The following COL21A1 variants were observed in gnomAD, a reference collection of about 807,000 sequenced individuals.
COL21A1 encodes collagen type XXI alpha 1 chain.
In COL21A1, 149 loss-of-function variants were observed where a neutral mutation model predicts 137.9. That is an observed-to-expected ratio of 1.08 (90% CI 0.95 to 1.24). The LOEUF (loss-of-function observed/expected upper bound fraction) is 1.24. Ranked by LOEUF, COL21A1 falls within the 50% of genes most tolerant of loss-of-function variation. The pLI, the probability that COL21A1 is intolerant of heterozygous loss-of-function variation, is 0.00. For synonymous variants in COL21A1, 456 were observed against 391.5 expected, an observed-to-expected ratio of 1.16 and a Z score of -1.95; for missense variants, 1,167 against 1,158.4, an observed-to-expected ratio of 1.01 and a Z score of -0.11.
At chr6:56,260,584 GA>G (rs1157513240) in intron 1 of COL21A1, among the ~76,000 whole-genome samples, 1 of 28,162 alleles carries the variant, frequency 3.6e-5, no homozygotes. Flanking sequence ...AAAAAAAAAA[GA>G]AAGAAGAAGA....
intron 1 of COL21A1, among the ~76,000 whole-genome samples, chr6:56,232,513 G>A (rs1781630623): frequency 1.3e-5 from 2 of 151,792 alleles, no homozygotes; most frequent in Non-Finnish European, 2.9e-5. Flanking sequence ...TTCATGAGGT[G>A]GGAAACTCTC....
chr6:56,185,122 AG>A (rs1274907133), intron 1 of COL21A1, among the ~76,000 whole-genome samples: 7 of 152,066 alleles, frequency 4.6e-5, no homozygotes, highest in Non-Finnish European at 8.8e-5. Context: ...ATTAAAAAAA[AG>A]AAACCAATAT....
At chr6:56,069,216 T>TA (rs1214247488) in intron 21 of COL21A1, 99 bp from the exon 22 acceptor site, 1 of 639,934 alleles carries the variant, frequency 1.6e-6, no homozygotes, top group Non-Finnish European at 2.6e-6. Flanking sequence ...AATGAATGGT[T>TA]AAAAAAATGT....
At chr6:56,139,961 C>T (rs569625523) in intron 12 of COL21A1, among the ~76,000 whole-genome samples, 1 of 151,826 alleles carries the variant, frequency 6.6e-6, no homozygotes, top group Non-Finnish European at 1.5e-5. Flanking sequence ...TTTCTTAAGC[C>T]CAGAAAAGTC....
chr6:56,334,087 G>A (rs1765288959), intron 1 of COL21A1, among the ~76,000 whole-genome samples: 2 of 141,260 alleles, frequency 1.4e-5, no homozygotes, highest in African/African-American at 5.2e-5. Context: ...TAGAAAGAGG[G>A]AATAGATAAA....
At chr6:56,068,741 T>C (rs1346728341) in intron 22 of COL21A1, 1 of 190,242 alleles carries the variant, frequency 5.3e-6, no homozygotes, top group Non-Finnish European at 1.1e-5. Context: ...CAAAAAATTC[T>C]TAGCTCCCCT....
chr6:56,203,199 C>T (rs1779522459), intron 1 of COL21A1, among the ~76,000 whole-genome samples: 1 of 152,158 alleles, frequency 6.6e-6, no homozygotes, highest in Non-Finnish European at 1.5e-5. Context: ...CCTTCCAATT[C>T]ATTCATGATA....
At chr6:56,138,208 T>C (rs1026282991) in intron 12 of COL21A1, among the ~76,000 whole-genome samples, 2 of 151,710 alleles carry the variant, frequency 1.3e-5, no homozygotes. Flanking sequence ...GGAAGCAAAA[T>C]ATTTTTTAGA....
chr6:56,057,524 C>T lies in COL21A1; in HGVS notation c.*133G>A, dbSNP rs1227897306. 5 of 812,694 alleles carry T rather than the reference C, an allele frequency of 6.2e-6. No individual in the cohort carries two copies. The highest frequency in any genetic ancestry group is 1.9e-6 in the Non-Finnish European group (1 of 512,820). The allele number at this position is 812,694 out of a possible 1,614,324, so 50.3% of individuals were successfully genotyped here. A position where few individuals can be genotyped will look rare whatever the true frequency, so the allele number is the denominator to read the frequency against. The stretch of plus-strand genomic sequence containing the variant: ...ATATGTGATCTTTTATATTTTTTTC[C>T]ATAAGAAAAAAAAAATAAAAACACC... On this transcript the variant is annotated 3_prime_UTR_variant, in exon 30 of 30. Coordinates refer to ENST00000244728, the MANE Select transcript of COL21A1 (RefSeq NM_030820.4).
chr6:56,264,355 C>T (rs1305403947), intron 1 of COL21A1, among the ~76,000 whole-genome samples: 1 of 152,182 alleles, frequency 6.6e-6, no homozygotes, highest in African/African-American at 2.4e-5. Flanking sequence ...TTCTCTCAGA[C>T]TTAAGCATCT....
At chr6:56,159,985 T>G (rs1394694042) in intron 9 of COL21A1, among the ~76,000 whole-genome samples, 3 of 152,130 alleles carry the variant, frequency 2.0e-5, no homozygotes, top group African/African-American at 7.2e-5. Flanking sequence ...TGGTCAACAG[T>G]CTTTATGACA....
At chr6:56,238,209 A>G (rs1782035848) in intron 1 of COL21A1, among the ~76,000 whole-genome samples, 1 of 152,044 alleles carries the variant, frequency 6.6e-6, no homozygotes, top group African/African-American at 2.4e-5. Context: ...AGAGAATCTA[A>G]GGGGAAACTG....
chr6:56,126,822 T>C (rs1443145353), intron 12 of COL21A1, among the ~76,000 whole-genome samples: 1 of 152,146 alleles, frequency 6.6e-6, no homozygotes, highest in Non-Finnish European at 1.5e-5. Flanking sequence ...ATGGCAAAAT[T>C]TGGGTCAGAT....
At chr6:56,309,104 G>A (rs1764540951) in intron 1 of COL21A1, among the ~76,000 whole-genome samples, 1 of 150,200 alleles carries the variant, frequency 6.7e-6, no homozygotes, top group African/African-American at 2.5e-5. Context: ...GTATAGTGGT[G>A]TGATCTCAGC....
At chr6:56,126,011 T>C in intron 13 of COL21A1, 85 bp downstream of exon 13, 1 of 733,158 alleles carries the variant, frequency 1.4e-6, no homozygotes, top group Admixed American at 3.1e-5. Flanking sequence ...AACATTTATT[T>C]ATAACATATT....
At position 56,325,652 on chromosome 6, in the gene COL21A1, T is replaced by TGC. The variant is rs1156973745; in HGVS notation, c.-39+68318_-39+68319insGC. ...ATTATATATAATATATAATATAATA[T>TGC]ATTATATATTAAATATATTATATAT... On this transcript the variant is annotated intron_variant, in intron 1 of 28. Coordinates refer to the COL21A1 transcript ENST00000370819. 2.2e-3 allele frequency among the ~76,000 whole-genome samples: 2 copies of TGC among 908 alleles called. 1 individual carries two copies. The highest frequency in any genetic ancestry group is 1 in the East Asian group (2 of 2). The allele number at this position is 908 out of a possible 152,430, so 0.6% of individuals were successfully genotyped here. A position where few individuals can be genotyped will look rare whatever the true frequency, so the allele number is the denominator to read the frequency against.
chr6:56,249,807 C>T (rs983520247), upstream of COL21A1, among the ~76,000 whole-genome samples: 4 of 152,026 alleles, frequency 2.6e-5, no homozygotes, highest in African/African-American at 4.8e-5. Flanking sequence ...CTGATAGTGA[C>T]GATTTTGAAT....
chr6:56,303,049 G>A (rs1282804893), intron 1 of COL21A1, among the ~76,000 whole-genome samples: 2 of 152,026 alleles, frequency 1.3e-5, no homozygotes, highest in Non-Finnish European at 2.9e-5. Flanking sequence ...TAGATACGTG[G>A]CATTATTTCT....
At chr6:56,279,980 C>T (rs867964351) in intron 1 of COL21A1, among the ~76,000 whole-genome samples, 18 of 152,174 alleles carry the variant, frequency 1.2e-4, no homozygotes, top group African/African-American at 4.1e-4. Flanking sequence ...CTTTACCCTC[C>T]TCTTCCTCAC....
Sources: allele counts gnomAD v4.1 joint callset (sites outside exome capture counted in the v4.1 genomes callset), GRCh38; gene constraint gnomAD v4.1.1; transcripts MANE v1.5; gene names NCBI Gene and HGNC (gene_info 2026-07-23, HGNC 2026-07-21).